The following SND1 variants were observed in gnomAD, a reference collection of about 807,000 sequenced individuals.
SND1 encodes the protein staphylococcal nuclease domain-containing protein 1.
In SND1, 38 loss-of-function variants were observed where a neutral mutation model predicts 121.7. The observed-to-expected ratio is 0.31, with a 90% CI of 0.24 to 0.41. SND1 has a LOEUF of 0.41. SND1 is among the 10% of genes least tolerant of loss of function. SND1 has a pLI of 1.00. For missense variants in SND1, 868 were observed against 1,184.6 expected (o/e 0.73, Z 3.92); for synonymous variants, 401 against 447.4 (o/e 0.90, Z 1.31).
At chr7:127,658,542 T>C (rs1310076750) in intron 1 of SND1, among the ~76,000 whole-genome samples, 2 of 152,234 alleles carry the variant, frequency 1.3e-5, no homozygotes, top group African/African-American at 4.8e-5. Flanking sequence ...ATATTTCTCT[T>C]AGCATTTTGT....
At chr7:128,034,672 T>C (rs1021723777) in intron 16 of SND1, among the ~76,000 whole-genome samples, 2 of 152,182 alleles carry the variant, frequency 1.3e-5, no homozygotes, top group African/African-American at 4.8e-5. Flanking sequence ...TCAGTAAGTA[T>C]TTGTGACTGC....
At chr7:127,833,402 C>T (rs919784917) in intron 11 of SND1, among the ~76,000 whole-genome samples, 8 of 151,676 alleles carry the variant, frequency 5.3e-5, no homozygotes, top group African/African-American at 1.9e-4. Context: ...AGTGCTGGGA[C>T]TAAAGGCACA....
At chr7:127,665,728 G>T (rs73720869) in intron 1 of SND1, among the ~76,000 whole-genome samples, 2,599 of 152,186 alleles carry the variant, frequency 0.017, 93 homozygotes, top group African/African-American at 0.059. Context: ...TAACTAATGT[G>T]ATGTTATTTT....
chr7:127,885,964 C>T (rs1459343486), intron 12 of SND1, among the ~76,000 whole-genome samples: 1 of 152,100 alleles, frequency 6.6e-6, no homozygotes, highest in Admixed American at 6.5e-5. Context: ...TTGTTCCCTG[C>T]TAGGGCCCCT....
chr7:127,815,851 T>C (rs1798429561), intron 11 of SND1, among the ~76,000 whole-genome samples: 1 of 152,240 alleles, frequency 6.6e-6, no homozygotes, highest in African/African-American at 2.4e-5. Flanking sequence ...TCTGGGTTTC[T>C]ACTTCAGTAG....
At chr7:127,994,772 C>T (rs756950167) in intron 16 of SND1, among the ~76,000 whole-genome samples, 8 of 152,000 alleles carry the variant, frequency 5.3e-5, no homozygotes, top group East Asian at 1.9e-4. Flanking sequence ...AGTGCAGTGG[C>T]GCGATCTCAG....
intron 16 of SND1, among the ~76,000 whole-genome samples, chr7:128,026,037 G>A (rs1803469236): frequency 6.6e-6 from 1 of 151,768 alleles, no homozygotes; most frequent in African/African-American, 2.4e-5. Flanking sequence ...AAAGAAGGGT[G>A]TTAGGAAATT....
intron 10 of SND1, among the ~76,000 whole-genome samples, chr7:127,774,483 C>G (rs942964792): frequency 6.6e-6 from 1 of 152,182 alleles, no homozygotes; most frequent in South Asian, 2.1e-4. Context: ...TCACCGCTGT[C>G]TCACTAACTC....
At chr7:127,759,238 A>G (rs986309960) in intron 10 of SND1, among the ~76,000 whole-genome samples, 2 of 152,208 alleles carry the variant, frequency 1.3e-5, no homozygotes, top group East Asian at 1.9e-4. Context: ...TTACTGTAAC[A>G]GAATGTTCTC....
At chr7:127,702,782 G>T (rs959918075) in intron 6 of SND1, among the ~76,000 whole-genome samples, 1 of 152,110 alleles carries the variant, frequency 6.6e-6, no homozygotes, top group Admixed American at 6.5e-5. Context: ...TAGAGAAATG[G>T]AACAATGAGA....
chr7:127,752,680 T>C (rs1042665103), intron 10 of SND1, among the ~76,000 whole-genome samples: 2 of 152,234 alleles, frequency 1.3e-5, no homozygotes, highest in African/African-American at 4.8e-5. Context: ...TCTGCCATTG[T>C]AGCTGAAATT....
At chr7:127,733,116 G>T (rs887927551) in intron 10 of SND1, among the ~76,000 whole-genome samples, 7 of 151,740 alleles carry the variant, frequency 4.6e-5, no homozygotes, top group Admixed American at 3.9e-4. Context: ...CCCTAGCTTG[G>T]TCTTCATTAT....
chr7:127,915,520 A>G (rs1584663504), intron 14 of SND1, among the ~76,000 whole-genome samples: 1 of 152,346 alleles, frequency 6.6e-6, no homozygotes, highest in East Asian at 1.9e-4. Context: ...CAGTGAATGA[A>G]TGATCAAACA....
intron 8 of SND1, 127 bp downstream of exon 8, chr7:127,705,072 G>A: frequency 1.4e-6 from 1 of 730,752 alleles, no homozygotes; most frequent in Non-Finnish European, 2.4e-6. Context: ...GAGTAGGGCA[G>A]TTCCTTATAG....
chr7:127,743,793 G>A (rs1796927989), intron 10 of SND1, among the ~76,000 whole-genome samples: 4 of 152,084 alleles, frequency 2.6e-5, no homozygotes, highest in African/African-American at 7.2e-5. Context: ...ATCAGGCTTG[G>A]GTTATTTCAC....
At chr7:128,059,971 A>G (rs1218151741) in intron 16 of SND1, among the ~76,000 whole-genome samples, 1 of 152,238 alleles carries the variant, frequency 6.6e-6, no homozygotes, top group Admixed American at 6.5e-5. Context: ...GTAAGAGGTA[A>G]TGGATTACCA....
At chr7:127,844,474 A>C (rs1448063618) in intron 12 of SND1, 50 bp downstream of exon 12, 2 of 1,406,380 alleles carry the variant, frequency 1.4e-6, no homozygotes, top group Non-Finnish European at 2.0e-6. Context: ...AGTAGCTAAG[A>C]GTTCTTTGCT....
intron 13 of SND1, among the ~76,000 whole-genome samples, chr7:127,897,208 C>T (rs896536235): frequency 6.6e-6 from 1 of 152,158 alleles, no homozygotes; most frequent in Non-Finnish European, 1.5e-5. Flanking sequence ...ATTGCTCTTG[C>T]TTTTGCATCA....
chr7:127,807,683 C>A, intron 11 of SND1, 110 bp downstream of exon 11: 1 of 798,946 alleles, frequency 1.3e-6, no homozygotes, highest in Non-Finnish European at 2.2e-6. Flanking sequence ...ACTTCTCCAT[C>A]AAGTCAAATG....
Sources: allele counts gnomAD v4.1 joint callset (sites outside exome capture counted in the v4.1 genomes callset), GRCh38; gene constraint gnomAD v4.1.1; transcripts MANE v1.5; gene names NCBI Gene and HGNC (gene_info 2026-07-23, HGNC 2026-07-21).